The following CADM1 variants were observed in gnomAD, a reference collection of about 807,000 sequenced individuals.
The protein encoded by CADM1 is cell adhesion molecule 1, also known as TSLC-1.
Under a neutral mutation model 53.1 loss-of-function variants are expected in CADM1, and 15 were observed. The ratio of observed to expected loss-of-function variants is 0.28; its 90% CI spans 0.19 to 0.44. The LOEUF is 0.44. Ranked by LOEUF, CADM1 falls within the 20% of genes least tolerant of loss-of-function variation. The probability of loss-of-function intolerance (pLI) is 1.00; values close to 1 mark genes in which losing one functional copy is unlikely to be tolerated. For synonymous variants in CADM1, 281 were observed against 243.0 expected (o/e 1.16, Z -1.45); for missense variants, 434 against 611.3 (o/e 0.71, Z 3.06).
At chr11:115,294,902 G>C (rs1008220099) in intron 1 of CADM1, among the ~76,000 whole-genome samples, 5 of 152,052 alleles carry the variant, frequency 3.3e-5, no homozygotes, top group African/African-American at 1.2e-4. Context: ...GCCGGGCATG[G>C]TGGCATGCAC....
chr11:115,412,431 C>A (rs887707914), intron 1 of CADM1, among the ~76,000 whole-genome samples: 1 of 152,144 alleles, frequency 6.6e-6, no homozygotes, highest in African/African-American at 2.4e-5. Flanking sequence ...GCCTGGTACT[C>A]GGGCTCAAGT....
intron 1 of CADM1, among the ~76,000 whole-genome samples, chr11:115,350,190 C>T (rs71476282): frequency 0.021 from 3,203 of 152,218 alleles, 51 homozygotes; most frequent in Non-Finnish European, 0.031. Context: ...AGGCTGGTCT[C>T]GAACTCCCAA....
At chr11:115,401,227 TGAA>T (rs1947144120) in intron 1 of CADM1, among the ~76,000 whole-genome samples, 1 of 152,150 alleles carries the variant, frequency 6.6e-6, no homozygotes, top group Non-Finnish European at 1.5e-5. Flanking sequence ...TATTAATAAA[TGAA>T]GAAGCCAAAC....
rs1211602344 is a variant in CADM1 at position 115,269,019 on chromosome 11, G to C, written c.125-28599C>G. 9.2e-4 allele frequency among the ~76,000 whole-genome samples: 140 copies of C among 152,194 alleles called. 1 individual carries two copies. The highest frequency in any genetic ancestry group is 9.1e-3 in the Admixed American group (139 of 15,284). On this transcript the variant is annotated intron_variant, in intron 1 of 11. Coordinates refer to ENST00000331581, the MANE Select transcript of CADM1 (RefSeq NM_001301043.2). The stretch of plus-strand genomic sequence containing the variant: ...CTTGGGTGTCACATAGGGACCAGTG[G>C]GCTTTTTGGATCCCATAGTTCGAAG...
chr11:115,407,873 TAAAAAAAAAAAAAA>T (rs148209064), intron 1 of CADM1, among the ~76,000 whole-genome samples: 33 of 31,748 alleles, frequency 1.0e-3, no homozygotes, highest in East Asian at 8.3e-3. Flanking sequence ...CCCTGTCATT[TAAAAAAAAAAAAAA>T]AAAAAAAAAA....
rs45525440 is a variant in CADM1, at chr11:115,214,747, A to C, written c.855T>G (p.Asp285Glu). The change falls in exon 7 of 12, where the codon GAT becomes GAG. Residue 285 changes from aspartate to glutamate, a missense_variant. Asp to Glu is a conservative substitution (Grantham distance 45). This residue lies in a region of CADM1 where 311 missense variants were observed against 435.1 expected (regional missense o/e 0.71). Transcript: ENST00000331581. ...ACAGTACGGCGTGTTGAGGCATTTC[A>C]TCATCGACTCTCACCCAAGTTACCA... ...PVMVTWVRVDDEMPQHAVLSG... is the reference protein window; with the variant it reads ...PVMVTWVRVDEEMPQHAVLSG... 0.039 allele frequency: 63,138 copies of C among 1,613,876 alleles called. 1,450 individuals carry two copies. The highest frequency in any genetic ancestry group is 0.046 in the Non-Finnish European group (54,418 of 1,179,840).
At chr11:115,231,973 C>T (rs987481545) in intron 3 of CADM1, among the ~76,000 whole-genome samples, 3 of 149,768 alleles carry the variant, frequency 2.0e-5, no homozygotes, top group African/African-American at 4.9e-5. Flanking sequence ...GCAACAAGAG[C>T]GAAACTCCGT....
chr11:115,415,547 C>G (rs1207197726), intron 1 of CADM1, among the ~76,000 whole-genome samples: 1 of 151,974 alleles, frequency 6.6e-6, no homozygotes, highest in Non-Finnish European at 1.5e-5. Context: ...TTTAAAAAGA[C>G]TGATTCTGGA....
At chr11:115,482,748 T>C (rs1381427487) in intron 1 of CADM1, among the ~76,000 whole-genome samples, 2 of 152,330 alleles carry the variant, frequency 1.3e-5, no homozygotes, top group African/African-American at 2.4e-5. Context: ...ATCTGGAAGA[T>C]ATACGCCAAG....
At chr11:115,415,633 T>C (rs1947575097) in intron 1 of CADM1, among the ~76,000 whole-genome samples, 1 of 151,840 alleles carries the variant, frequency 6.6e-6, no homozygotes, top group East Asian at 1.9e-4. Flanking sequence ...GGTCAGGAGT[T>C]CGAGACCAGC....
chr11:115,374,443 C>T lies in CADM1; in HGVS notation c.124+129828G>A, dbSNP rs569249217. ...AGAATCAGTCATTTGTCTGGCCATT[C>T]TATGTATATTGCACTTAAGTTAAAT... On this transcript the variant is annotated intron_variant, in intron 1 of 11. Transcript: ENST00000331581. Among the ~76,000 whole-genome samples, 37 of 152,228 alleles carry T rather than the reference C, an allele frequency of 2.4e-4. No individual in the cohort carries two copies. In the South Asian group the frequency reaches 6.9e-3, roughly 28 times the overall value.
At chr11:115,308,976 A>G (rs185095969) in intron 1 of CADM1, among the ~76,000 whole-genome samples, 428 of 152,252 alleles carry the variant, frequency 2.8e-3, no homozygotes, top group Admixed American at 8.6e-3. Context: ...CACAAAAGGT[A>G]GAGATTTGCT....
chr11:115,491,784 G>A (rs1467682854), intron 1 of CADM1, among the ~76,000 whole-genome samples: 1 of 152,304 alleles, frequency 6.6e-6, no homozygotes, highest in East Asian at 1.9e-4. Flanking sequence ...AAAAAAGGAT[G>A]AGATCATGTC....
At chr11:115,268,707 C>A (rs1331556061) in intron 1 of CADM1, among the ~76,000 whole-genome samples, 2 of 152,186 alleles carry the variant, frequency 1.3e-5, no homozygotes, top group Non-Finnish European at 2.9e-5. Flanking sequence ...TGTTAGCAAT[C>A]ACAGGGATGT....
intron 1 of CADM1, chr11:115,240,761 G>C (rs1398932829): frequency 6.4e-6 from 2 of 310,964 alleles, no homozygotes; most frequent in African/African-American, 2.1e-5. Flanking sequence ...CTCACAAATG[G>C]AGTAGGGAAG....
chr11:115,404,423 T>G (rs1947259781), intron 1 of CADM1, among the ~76,000 whole-genome samples: 1 of 123,352 alleles, frequency 8.1e-6, no homozygotes, highest in African/African-American at 3.2e-5. Context: ...AAATTCCAGA[T>G]AGGTTAACAA....
intron 1 of CADM1, among the ~76,000 whole-genome samples, chr11:115,385,503 T>C (rs1016999273): frequency 6.6e-6 from 1 of 152,140 alleles, no homozygotes; most frequent in African/African-American, 2.4e-5. Flanking sequence ...CTGAGAATCA[T>C]CTCAATTATT....
At chr11:115,454,049 T>TA (rs912372692) in intron 1 of CADM1, among the ~76,000 whole-genome samples, 9 of 146,332 alleles carry the variant, frequency 6.2e-5, no homozygotes, top group South Asian at 2.2e-4. Context: ...AAATGTTCTT[T>TA]AAAAAAAAAA....
chr11:115,208,488 G>T (rs1402321546), intron 8 of CADM1, among the ~76,000 whole-genome samples: 2 of 152,136 alleles, frequency 1.3e-5, no homozygotes, highest in East Asian at 1.9e-4. Context: ...GGTGTTAAAA[G>T]GAGCTGACCA....
Sources: allele counts gnomAD v4.1 joint callset (sites outside exome capture counted in the v4.1 genomes callset), GRCh38; gene constraint gnomAD v4.1.1; regional missense constraint gnomAD v4.1.1; transcripts MANE v1.5; gene names NCBI Gene and HGNC (gene_info 2026-07-23, HGNC 2026-07-21).